USP34: variants seen among roughly 807,000 people sequenced by gnomAD.
USP34 encodes the protein ubiquitin carboxyl-terminal hydrolase 34.
In USP34, 70 loss-of-function variants were observed where a neutral mutation model predicts 460.3. The observed-to-expected ratio is 0.15, with a 90% CI of 0.13 to 0.19. USP34 has a LOEUF of 0.19. Among genes scored for constraint, USP34 ranks in the 10% least tolerant of loss-of-function variants. The pLI is 1.00. For missense variants in USP34, 3,985 were observed against 4,236.2 expected (o/e 0.94, Z 1.65); for synonymous variants, 1,647 against 1,405.3 (o/e 1.17, Z -3.85).
At chr2:61,324,424 T>C (rs1691021797) in intron 21 of USP34, among the ~76,000 whole-genome samples, 2 of 152,118 alleles carry the variant, frequency 1.3e-5, no homozygotes, top group Admixed American at 1.3e-4. Context: ...TAATAATACA[T>C]AAATAATACC....
chr2:61,228,749 A>C (rs1376142570), intron 60 of USP34, 30 bp from the exon 61 acceptor site: 2 of 1,595,918 alleles, frequency 1.3e-6, no homozygotes, highest in Non-Finnish European at 1.7e-6. Context: ...AAATTTAAAA[A>C]TATAAAATAA....
chr2:61,392,304 ACT>A (rs1238509736), intron 5 of USP34, among the ~76,000 whole-genome samples: 1 of 151,954 alleles, frequency 6.6e-6, no homozygotes, highest in Non-Finnish European at 1.5e-5. Flanking sequence ...GCACAGCAGA[ACT>A]CTCTCTCAAA....
chr2:61,464,326 C>T (rs1038772734), intron 1 of USP34, among the ~76,000 whole-genome samples: 2 of 151,254 alleles, frequency 1.3e-5, no homozygotes, highest in African/African-American at 4.9e-5. Context: ...CTCAAAAACA[C>T]CACCACCAAC....
chr2:61,319,851 C>A (rs769657773), intron 21 of USP34, among the ~76,000 whole-genome samples: 23 of 151,828 alleles, frequency 1.5e-4, no homozygotes, highest in African/African-American at 4.6e-4. Context: ...CTCAAAAAAA[C>A]CAAAAAAAAT....
intron 1 of USP34, among the ~76,000 whole-genome samples, chr2:61,428,736 G>T (rs1573032203): frequency 6.6e-6 from 1 of 152,102 alleles, no homozygotes; most frequent in South Asian, 2.1e-4. Context: ...AAAGAAAGAG[G>T]GGAACCTAGA....
intron 51 of USP34, among the ~76,000 whole-genome samples, chr2:61,243,094 C>T (rs1025920639): frequency 6.6e-6 from 1 of 152,046 alleles, no homozygotes; most frequent in African/African-American, 2.4e-5. Flanking sequence ...AATCCGCCCG[C>T]CTCAGCCTCC....
chr2:61,320,530 T>G (rs1393126222), intron 21 of USP34, among the ~76,000 whole-genome samples: 2 of 152,178 alleles, frequency 1.3e-5, no homozygotes, highest in African/African-American at 4.8e-5. Context: ...AAACATTATT[T>G]GATGACCTAC....
intron 64 of USP34, 191 bp from the exon 65 acceptor site, chr2:61,222,854 C>T (rs1170776357): frequency 1.5e-6 from 1 of 681,598 alleles, no homozygotes; most frequent in Admixed American, 3.0e-5. Context: ...TGCCACTACA[C>T]CCGGCTAGAT....
chr2:61,339,525 G>T, intron 17 of USP34, 41 bp downstream of exon 17: 2 of 1,558,944 alleles, frequency 1.3e-6, no homozygotes, highest in Non-Finnish European at 1.7e-6. Context: ...ATTGCATCTT[G>T]CTGAAATTTC....
intron 51 of USP34, among the ~76,000 whole-genome samples, chr2:61,244,091 T>C (rs1348881370): frequency 3.3e-5 from 5 of 151,882 alleles, no homozygotes; most frequent in African/African-American, 9.7e-5. Flanking sequence ...TTCTCAACTT[T>C]CGGCTAAGAT....
chr2:61,462,192 T>C (rs1695620389), intron 1 of USP34, among the ~76,000 whole-genome samples: 1 of 147,390 alleles, frequency 6.8e-6, no homozygotes, highest in Admixed American at 6.9e-5. Context: ...TGAGCCAAGA[T>C]CAGGCCATCG....
In USP34 at chr2:61,394,991, T is replaced by G; in HGVS notation, c.615A>C (p.Val205=). 12 of 1,585,942 alleles carry G rather than the reference T, an allele frequency of 7.6e-6. No homozygotes were observed. The highest frequency in any genetic ancestry group is 9.4e-6 in the Non-Finnish European group (11 of 1,172,118). Residue 205 remains valine, a synonymous_variant, in exon 5 of 80, where the codon GTA becomes GTC. Transcript: ENST00000398571. Reference sequence around the variant, plus strand: ...ATACATAACGAAGCAAATGCAATGGTACTTCTACATCCTGGGAAAATAAAG... The same window carrying G: ...ATACATAACGAAGCAAATGCAATGGGACTTCTACATCCTGGGAAAATAAAG... ...GAFCDMNDVE[V]PLHLLRYVCL... is the part of the protein sequence containing the mutation.
rs150053539 is a variant in USP34, at chr2:61,320,591, C to T, written c.3014-1264G>A. On this transcript the variant is annotated intron_variant, in intron 21 of 79. Coordinates refer to ENST00000398571, the MANE Select transcript of USP34 (RefSeq NM_014709.4). Reference sequence around the variant, plus strand: ...TAAAATATTTACTATCTCATCCAGGCGCAGTGGCTTACACATGTAATCCAG... The same window carrying T: ...TAAAATATTTACTATCTCATCCAGGTGCAGTGGCTTACACATGTAATCCAG... Among the ~76,000 whole-genome samples, 29 of 152,254 alleles carry T rather than the reference C, an allele frequency of 1.9e-4. No homozygotes were observed. In the East Asian group the frequency reaches 5.0e-3, roughly 26 times the overall value.
chr2:61,396,314 C>G (rs567091072), intron 3 of USP34, among the ~76,000 whole-genome samples: 15 of 152,186 alleles, frequency 9.9e-5, no homozygotes, highest in Admixed American at 7.2e-4. Context: ...TGGCAATATC[C>G]TTCAATATTT....
chr2:61,372,645 C>A (rs1263804016), intron 8 of USP34, among the ~76,000 whole-genome samples: 2 of 152,130 alleles, frequency 1.3e-5, no homozygotes, highest in South Asian at 4.1e-4. Flanking sequence ...CAGGTCAGAG[C>A]TGTAGTAAGG....
chr2:61,305,309 C>T (rs537666253), intron 27 of USP34, among the ~76,000 whole-genome samples: 34 of 149,838 alleles, frequency 2.3e-4, no homozygotes, highest in African/African-American at 7.9e-4. Flanking sequence ...GGCAACAGTG[C>T]GAGACTCAAG....
In USP34 at chr2:61,209,569, C is replaced by T. The variant is rs542777919; in HGVS notation, c.8841-592G>A. Reference sequence around the variant, plus strand: ...TGCATTACCCACATGTCTCTGATGACGCTGGTATAAACAAACTTGTTGTAC... The same window carrying T: ...TGCATTACCCACATGTCTCTGATGATGCTGGTATAAACAAACTTGTTGTAC... On this transcript the variant is annotated intron_variant, in intron 69 of 79. Coordinates refer to ENST00000398571, the MANE Select transcript of USP34 (RefSeq NM_014709.4). 6.6e-5 allele frequency among the ~76,000 whole-genome samples: 10 copies of T among 152,226 alleles called. 1 individual carries two copies. The East Asian group carries it at 1.3e-3, about 21-fold the overall frequency.
At chr2:61,245,752 A>G (rs1284952969) in intron 50 of USP34, among the ~76,000 whole-genome samples, 1 of 149,352 alleles carries the variant, frequency 6.7e-6, no homozygotes, top group Non-Finnish European at 1.5e-5. Context: ...GCTAACTGAA[A>G]ATCAATTAAC....
At chr2:61,289,808 G>A (rs780013096) in intron 33 of USP34, among the ~76,000 whole-genome samples, 11 of 152,040 alleles carry the variant, frequency 7.2e-5, no homozygotes, top group Non-Finnish European at 1.3e-4. Flanking sequence ...AGATCTAAAC[G>A]TAAAAGAAAA....
Sources: gnomAD v4.1 joint callset for allele counts (sites outside exome capture counted in the v4.1 genomes callset) on GRCh38, gnomAD v4.1.1 for gene constraint, MANE v1.5 for transcripts, NCBI Gene and HGNC (gene_info 2026-07-23, HGNC 2026-07-21) for gene names.